The following PRSS12 variants were observed in gnomAD, a reference collection of about 807,000 sequenced individuals.
PRSS12 encodes serine protease 12, also known as neurotrypsin.
A neutral mutation model predicts 104.4 loss-of-function variants in PRSS12; 85 were observed. That is an observed-to-expected ratio of 0.81 (90% confidence interval 0.68 to 0.98). PRSS12 has a LOEUF of 0.98. PRSS12 is among the 50% of genes least tolerant of loss of function. The probability of loss-of-function intolerance (pLI) is 0.00; values close to 1 mark genes in which losing one functional copy is unlikely to be tolerated. For missense variants in PRSS12, 1,141 were observed against 1,139.2 expected (o/e 1.00, Z -0.02); for synonymous variants, 454 against 425.2 (o/e 1.07, Z -0.83).
At position 118,352,261 on chromosome 4, in the gene PRSS12, C is replaced by T. The variant is rs1724526999; in HGVS notation, c.460G>A (p.Ala154Thr). The T allele has an allele frequency of 6.2e-7, 1 of 1,611,344 alleles. No individual in the cohort carries two copies. Among genetic ancestry groups the T allele is most frequent in the Non-Finnish European group, 8.5e-7 (1 of 1,179,598 alleles). ...TAGCCCCAGTCCACCTTGCCACGGGCGTCTCCGTAGAAACACCAGGGTCTG... is the reference window on the plus strand; with the variant it reads ...TAGCCCCAGTCCACCTTGCCACGGGTGTCTCCGTAGAAACACCAGGGTCTG... The part of the protein sequence containing the change: ...AGRPWCFYGD[A>T]RGKVDWGYCD... Residue 154 changes from alanine (A) to threonine (T), a missense_variant, in exon 1 of 13, where the codon GCC becomes ACC. Coordinates refer to ENST00000296498, the MANE Select transcript of PRSS12 (RefSeq NM_003619.4).
chr4:118,296,876 A>G (rs969861380), intron 9 of PRSS12, among the ~76,000 whole-genome samples: 1 of 152,184 alleles, frequency 6.6e-6, no homozygotes, highest in African/African-American at 2.4e-5. Context: ...GCAAATTGTA[A>G]GATATTAGAA....
intron 9 of PRSS12, among the ~76,000 whole-genome samples, chr4:118,297,499 T>C (rs1468002058): frequency 2.6e-5 from 4 of 151,404 alleles, no homozygotes; most frequent in Non-Finnish European, 4.4e-5. Flanking sequence ...CATATATCTA[T>C]ACACACATTC....
chr4:118,321,850 T>C (rs1039089593), intron 4 of PRSS12, among the ~76,000 whole-genome samples: 1 of 152,188 alleles, frequency 6.6e-6, no homozygotes, highest in African/African-American at 2.4e-5. Flanking sequence ...TTAAAGTAAA[T>C]TTCAAAGAAA....
At chr4:118,338,039 T>C (rs1381307580) in intron 2 of PRSS12, 137 bp downstream of exon 2, 4 of 1,137,046 alleles carry the variant, frequency 3.5e-6, no homozygotes, top group Non-Finnish European at 5.1e-6. Context: ...CCTTTCTTTA[T>C]AGCTCTTTTG....
In PRSS12 at chr4:118,281,673, T is replaced by C. The variant is rs957795451; in HGVS notation, c.*263A>G. 20 of 506,758 alleles carry C rather than the reference T, an allele frequency of 3.9e-5. No homozygotes were observed. Among genetic ancestry groups the C allele is most frequent in the Non-Finnish European group, 6.8e-5 (19 of 281,214 alleles). 31.4% of individuals were successfully genotyped at this position (506,758 alleles called of 1,614,324 possible). On this transcript the variant is annotated 3_prime_UTR_variant, in exon 13 of 13. Transcript: ENST00000296498. ...GCATAGAATGATTTTGAGAAATAGG[T>C]AGGGGATAGATGAGGCTTAGAATAA...
At chr4:118,342,521 T>C (rs1012977586) in intron 1 of PRSS12, among the ~76,000 whole-genome samples, 3 of 152,196 alleles carry the variant, frequency 2.0e-5, no homozygotes, top group Admixed American at 1.3e-4. Flanking sequence ...TATTTCTATC[T>C]TTAAAATGCG....
chr4:118,305,165 T>C lies in PRSS12; in HGVS notation c.1631+3271A>G, dbSNP rs114546417. 2.3e-3 allele frequency among the ~76,000 whole-genome samples: 352 copies of C among 150,962 alleles called. 1 individual carries two copies. Among genetic ancestry groups the C allele is most frequent in the African/African-American group, 8.2e-3 (339 of 41,330 alleles). On this transcript the variant is annotated intron_variant, in intron 8 of 12. Transcript: ENST00000296498. ...TATATATATACTGAAAATATACATA[T>C]ATGTTCTTATATGAAATCCAATTTC...
intron 6 of PRSS12, among the ~76,000 whole-genome samples, chr4:118,315,175 G>A (rs1743872201): frequency 1.3e-5 from 2 of 152,052 alleles, no homozygotes; most frequent in Non-Finnish European, 2.9e-5. Context: ...TGAAAATTCT[G>A]TGGATATTGT....
At chr4:118,327,109 C>T (rs1277460952) in intron 4 of PRSS12, among the ~76,000 whole-genome samples, 1 of 151,784 alleles carries the variant, frequency 6.6e-6, no homozygotes, top group Non-Finnish European at 1.5e-5. Context: ...TTGGTTTATA[C>T]AATGTTTTTT....
chr4:118,331,035 A>T (rs1181646007), intron 4 of PRSS12, among the ~76,000 whole-genome samples: 1 of 152,156 alleles, frequency 6.6e-6, no homozygotes, highest in Non-Finnish European at 1.5e-5. Context: ...TAAATGAAAT[A>T]TTTTTTAAAA....
chr4:118,313,990 G>C (rs1474408350), intron 6 of PRSS12, among the ~76,000 whole-genome samples: 1 of 152,078 alleles, frequency 6.6e-6, no homozygotes, highest in Non-Finnish European at 1.5e-5. Flanking sequence ...GAGTGTATTT[G>C]TAACACTGCA....
At chr4:118,326,353 T>C (rs1723771255) in intron 4 of PRSS12, among the ~76,000 whole-genome samples, 1 of 152,220 alleles carries the variant, frequency 6.6e-6, no homozygotes, top group African/African-American at 2.4e-5. Context: ...TAACAGTGCT[T>C]TTAGACATAC....
intron 1 of PRSS12, among the ~76,000 whole-genome samples, chr4:118,342,291 G>A (rs981707061): frequency 3.9e-5 from 6 of 152,166 alleles, no homozygotes; most frequent in Admixed American, 1.3e-4. Context: ...AATTGTAGAC[G>A]AAATTCTTTG....
At chr4:118,349,655 T>G (rs1724442959) in intron 1 of PRSS12, among the ~76,000 whole-genome samples, 1 of 152,138 alleles carries the variant, frequency 6.6e-6, no homozygotes, top group Non-Finnish European at 1.5e-5. Context: ...TCATAATATG[T>G]CTTCACATAT....
rs1743797172 is a variant in PRSS12, at chr4:118,313,138, C to T, written c.1489+63G>A. The stretch of plus-strand genomic sequence containing the variant: ...ATGAGAAACACTTCATATTCAAGGC[C>T]AGTGGTTAGAGGTGCAATGGCTACT... On this transcript the variant is annotated intron_variant, in intron 7 of 12. Coordinates refer to ENST00000296498, the MANE Select transcript of PRSS12 (RefSeq NM_003619.4). 10 of 1,583,062 alleles carry T rather than the reference C, an allele frequency of 6.3e-6. No homozygotes were observed. In the South Asian group the frequency reaches 9.1e-5, roughly 14 times the overall value.
chr4:118,345,708 G>C (rs1724338603), intron 1 of PRSS12, among the ~76,000 whole-genome samples: 1 of 151,980 alleles, frequency 6.6e-6, no homozygotes, highest in Non-Finnish European at 1.5e-5. Context: ...AACCAAACCA[G>C]AGTCTAAATG....
chr4:118,338,427 G>A, intron 1 of PRSS12, 113 bp from the exon 2 acceptor site: 2 of 1,326,106 alleles, frequency 1.5e-6, no homozygotes, highest in Non-Finnish European at 2.1e-6. Flanking sequence ...GATCCAGGCA[G>A]AATGATTTAG....
At chr4:118,351,027 A>T (rs1405791776) in intron 1 of PRSS12, among the ~76,000 whole-genome samples, 1 of 152,224 alleles carries the variant, frequency 6.6e-6, no homozygotes, top group Non-Finnish European at 1.5e-5. Flanking sequence ...CTACATTGGC[A>T]TTCTGTTCAT....
chr4:118,283,530 C>A (rs2126025414), intron 11 of PRSS12, among the ~76,000 whole-genome samples: 1 of 152,318 alleles, frequency 6.6e-6, no homozygotes, highest in South Asian at 2.1e-4. Context: ...GTACTTAGTA[C>A]AATCGACTTC....
Sources: allele counts gnomAD v4.1 joint callset (sites outside exome capture counted in the v4.1 genomes callset), GRCh38; gene constraint gnomAD v4.1.1; transcripts MANE v1.5; gene names NCBI Gene and HGNC (gene_info 2026-07-23, HGNC 2026-07-21).